Variants in ZNF292 observed in about 807,000 individuals in gnomAD.
The protein encoded by ZNF292 is 16 zinc-finger domain protein.
Under a neutral mutation model 217.9 loss-of-function variants are expected in ZNF292, and 26 were observed. The ratio of observed to expected loss-of-function variants is 0.12; its 90% confidence interval spans 0.09 to 0.17. ZNF292 has a LOEUF of 0.17. ZNF292 is among the 10% of genes least tolerant of loss of function. The pLI is 1.00. For synonymous variants in ZNF292, 1,257 were observed against 1,124.1 expected (o/e 1.12, Z -2.37); for missense variants, 2,904 against 3,175.2 (o/e 0.91, Z 2.05).
chr6:87,233,742 C>T, intron 5 of ZNF292: 2 of 727,286 alleles, frequency 2.7e-6, no homozygotes, highest in Non-Finnish European at 3.4e-6. Flanking sequence ...AAATAATATA[C>T]ATCTTTTAAA....
intron 1 of ZNF292, among the ~76,000 whole-genome samples, chr6:87,198,649 C>T (rs535918707): frequency 6.6e-6 from 1 of 152,318 alleles, no homozygotes; most frequent in African/African-American, 2.4e-5. Flanking sequence ...AAGTTATTCT[C>T]TGTGAACTTT....
chr6:87,175,598 C>A (rs1771261275), intron 1 of ZNF292, among the ~76,000 whole-genome samples: 1 of 152,198 alleles, frequency 6.6e-6, no homozygotes, highest in Non-Finnish European at 1.5e-5. Flanking sequence ...CTTGGCTTCC[C>A]AGAGTGCTAG....
intron 1 of ZNF292, among the ~76,000 whole-genome samples, chr6:87,165,385 T>C (rs969424479): frequency 3.9e-5 from 6 of 152,186 alleles, no homozygotes; most frequent in Middle Eastern, 6.3e-3. Flanking sequence ...AAATCTGAAA[T>C]GGTAAACACT....
At chr6:87,254,581 T>C (rs1775105587) in intron 7 of ZNF292, 69 bp from the exon 8 acceptor site, 1 of 1,415,990 alleles carries the variant, frequency 7.1e-7, no homozygotes, top group Admixed American at 2.3e-5. Context: ...CAATCTTAAC[T>C]AAATTCTGAA....
rs879118363 is a variant in ZNF292 at position 87,255,816 on chromosome 6, G to A, written c.2187G>A (p.Arg729=). 5.0e-6 allele frequency: 8 copies of A among 1,613,632 alleles called. No homozygotes were observed. In the Admixed American group the frequency reaches 8.3e-5, roughly 17 times the overall value. The stretch of plus-strand genomic sequence containing the variant: ...AAGTTATTTGCCAGTACTGTAGGCG[G>A]CATTTTGTGAGTGTTACTCATCTCA... ...SKKVICQYCR[R]HFVSVTHLND... is the part of the protein sequence containing the mutation. The change falls in exon 8 of 8, where the codon CGG becomes CGA. Residue 729 remains arginine, a synonymous_variant. Transcript: ENST00000369577.
chr6:87,259,458 A>G lies in ZNF292; in HGVS notation c.5829A>G (p.Lys1943=). 1 of 1,590,038 alleles carries G rather than the reference A, an allele frequency of 6.3e-7. No individual in the cohort carries two copies. The highest frequency in any genetic ancestry group is 1.1e-5 in the South Asian group (1 of 88,148). ...TTGAAATTAAGAAGAATCAATTGAAATTTGCTCCCTTTAAATGTGTAGTAC... is the reference window on the plus strand; with the variant it reads ...TTGAAATTAAGAAGAATCAATTGAAGTTTGCTCCCTTTAAATGTGTAGTAC... ...MILEIKKNQL[K]FAPFKCVVPT... Residue 1943 remains lysine, a synonymous_variant, in exon 8 of 8, where the codon AAA becomes AAG. Coordinates refer to ENST00000369577, the MANE Select transcript of ZNF292 (RefSeq NM_015021.3).
chr6:87,175,363 T>G (rs1157086728), intron 1 of ZNF292, among the ~76,000 whole-genome samples: 1 of 152,212 alleles, frequency 6.6e-6, no homozygotes, highest in African/African-American at 2.4e-5. Flanking sequence ...TTTTTTTGAG[T>G]TGGGGTCTCA....
intron 4 of ZNF292, chr6:87,223,539 C>T (rs943332116): frequency 2.0e-5 from 3 of 152,198 alleles, no homozygotes; most frequent in African/African-American, 7.2e-5. Context: ...AAGTTATGCT[C>T]CACCTCCTTG....
At chr6:87,200,329 G>T (rs1233425950) in intron 1 of ZNF292, among the ~76,000 whole-genome samples, 1 of 152,218 alleles carries the variant, frequency 6.6e-6, no homozygotes, top group Non-Finnish European at 1.5e-5. Flanking sequence ...CAGAAATACT[G>T]TGGAGACTAA....
chr6:87,195,976 C>T (rs1441439474), intron 1 of ZNF292, among the ~76,000 whole-genome samples: 1 of 148,596 alleles, frequency 6.7e-6, no homozygotes, highest in Admixed American at 6.7e-5. Flanking sequence ...TGCAGTGAGC[C>T]GAGATAGCAC....
intron 1 of ZNF292, among the ~76,000 whole-genome samples, chr6:87,187,714 CA>C (rs10687268): frequency 3.3e-3 from 319 of 96,650 alleles, no homozygotes; most frequent in African/African-American, 4.9e-3. Context: ...GACTCTGCCT[CA>C]AAAAAAAAAA....
In ZNF292 at chr6:87,188,162, C is replaced by T. The variant is rs550130760; in HGVS notation, c.169-27741C>T. On this transcript the variant is annotated intron_variant, in intron 1 of 7. Coordinates refer to ENST00000369577, the MANE Select transcript of ZNF292 (RefSeq NM_015021.3). Reference sequence around the variant, plus strand: ...AGCATTCTCTAGTTTGCCAGTTGTACATGAAAAACAACTCTCTGATAGTGA... The same window carrying T: ...AGCATTCTCTAGTTTGCCAGTTGTATATGAAAAACAACTCTCTGATAGTGA... Among the ~76,000 whole-genome samples the T allele has an allele frequency of 5.3e-5, 8 of 152,304 alleles. No homozygotes were observed. In the East Asian group the frequency reaches 1.5e-3, roughly 29 times the overall value.
intron 4 of ZNF292, among the ~76,000 whole-genome samples, chr6:87,227,441 A>T (rs1773412407): frequency 7.8e-6 from 1 of 128,272 alleles, no homozygotes; most frequent in Non-Finnish European, 1.6e-5. Flanking sequence ...TAATTGTGGT[A>T]AAAAAAAACC....
At chr6:87,190,515 C>T (rs921824224) in intron 1 of ZNF292, among the ~76,000 whole-genome samples, 3 of 151,832 alleles carry the variant, frequency 2.0e-5, no homozygotes, top group Admixed American at 6.6e-5. Context: ...GCTCTGTCGC[C>T]CAGGCTGGAG....
At chr6:87,180,732 C>G (rs548636451) in intron 1 of ZNF292, among the ~76,000 whole-genome samples, 1 of 152,258 alleles carries the variant, frequency 6.6e-6, no homozygotes, top group Non-Finnish European at 1.5e-5. Context: ...AGCCATAATT[C>G]CAATAAGGCC....
intron 4 of ZNF292, among the ~76,000 whole-genome samples, chr6:87,227,440 T>TA (rs57780770): frequency 0.082 from 12,476 of 151,298 alleles, 870 homozygotes; most frequent in African/African-American, 0.19. Flanking sequence ...TTAATTGTGG[T>TA]AAAAAAAAAC....
intron 7 of ZNF292, among the ~76,000 whole-genome samples, chr6:87,254,247 T>C (rs1349331573): frequency 2.0e-5 from 3 of 152,250 alleles, no homozygotes; most frequent in Non-Finnish European, 2.9e-5. Context: ...ATGACATTTA[T>C]TGATCATTTA....
rs1274035346 is a variant in ZNF292 at position 87,198,124 on chromosome 6, C to T, written c.169-17779C>T. On this transcript the variant is annotated intron_variant, in intron 1 of 7. Transcript: ENST00000369577. ...AGCTAGAGATCTGTGTAACAGATGA[C>T]ACCAATTAGCTTAAAATTTAAATCC... Among the ~76,000 whole-genome samples the T allele has an allele frequency of 3.3e-5, 5 of 152,218 alleles. No homozygotes were observed. The South Asian group carries it at 6.2e-4, about 19-fold the overall frequency.
At chr6:87,252,235 T>C (rs964745646) in intron 7 of ZNF292, among the ~76,000 whole-genome samples, 3 of 151,872 alleles carry the variant, frequency 2.0e-5, no homozygotes, top group African/African-American at 7.3e-5. Flanking sequence ...CACTGCAACC[T>C]CTGCCTCCCG....
Sources: allele counts gnomAD v4.1 joint callset (sites outside exome capture counted in the v4.1 genomes callset), GRCh38; gene constraint gnomAD v4.1.1; transcripts MANE v1.5; gene names NCBI Gene and HGNC (gene_info 2026-07-23, HGNC 2026-07-21).